Variants in DLX4 observed in about 807,000 individuals in gnomAD.
DLX4 encodes distal-less homeobox 4.
A neutral mutation model predicts 17.1 loss-of-function variants in DLX4; 13 were observed. The observed-to-expected ratio is 0.76, with a 90% CI of 0.49 to 1.21. DLX4 has a LOEUF of 1.21. DLX4 is among the 50% of genes most tolerant of loss of function. The pLI, the probability that DLX4 is intolerant of heterozygous loss-of-function variation, is 0.00. For missense variants in DLX4, 297 were observed against 301.4 expected, an observed-to-expected ratio of 0.99 and a Z score of 0.11; for synonymous variants, 129 against 140.3, an observed-to-expected ratio of 0.92 and a Z score of 0.57.
At chr17:49,973,559 G>C in intron 2 of DLX4, 142 bp from the exon 3 acceptor site, 1 of 1,158,326 alleles carries the variant, frequency 8.6e-7, no homozygotes. Flanking sequence ...GGGGCTGTGG[G>C]GGACTGAAGC....
intron 1 of DLX4, 71 bp from the exon 2 acceptor site, chr17:49,973,002 G>A (rs1459274131): frequency 6.3e-7 from 1 of 1,578,960 alleles, no homozygotes; most frequent in Non-Finnish European, 8.6e-7. Flanking sequence ...ATGCAAATAA[G>A]CTTATGAAAC....
Position 49,974,089 on chromosome 17 carries a change from G to A in DLX4, c.*146G>A. ...AAGCAGTTAGAGGAGAAAAAGGAATGGAGCAGAGCCTGTACCCCTAACCCT... is the reference window on the plus strand; with the variant it reads ...AAGCAGTTAGAGGAGAAAAAGGAATAGAGCAGAGCCTGTACCCCTAACCCT... On this transcript the variant is annotated 3_prime_UTR_variant, in exon 3 of 3. Transcript: ENST00000240306. 1 of 1,121,498 alleles carries A rather than the reference G, an allele frequency of 8.9e-7. No homozygotes were observed. 69.5% of individuals were successfully genotyped at this position (1,121,498 alleles called of 1,614,324 possible).
intron 1 of DLX4, 67 bp from the exon 2 acceptor site, chr17:49,973,006 A>G (rs765117074): frequency 1.1e-5 from 17 of 1,572,690 alleles, no homozygotes; most frequent in Non-Finnish European, 1.5e-5. Context: ...AAATAAGCTT[A>G]TGAAACTGTC....
intron 1 of DLX4, among the ~76,000 whole-genome samples, chr17:49,970,940 AC>A (rs1383080162): frequency 6.6e-6 from 1 of 151,688 alleles, no homozygotes; most frequent in Non-Finnish European, 1.5e-5. Flanking sequence ...GCTTCCTCCA[AC>A]CCCCCCAAAA....
chr17:49,974,269 C>G lies in DLX4; in HGVS notation c.*326C>G. ...AGAACCCTTGGTCTTGCCACTCCCC[C>G]ACTCCTTCTTCCCTCTCTCCCTTTC... On this transcript the variant is annotated 3_prime_UTR_variant, in exon 3 of 3. Coordinates refer to ENST00000240306, the MANE Select transcript of DLX4 (RefSeq NM_138281.3). 4.4e-6 allele frequency: 1 copy of G among 228,082 alleles called. No individual in the cohort carries two copies. Among genetic ancestry groups the G allele is most frequent in the Non-Finnish European group, 8.5e-6 (1 of 117,972 alleles). 14.1% of individuals were successfully genotyped at this position (228,082 alleles called of 1,614,324 possible).
At position 49,973,183 on chromosome 17, in the gene DLX4, C is replaced by T. The variant is rs999152692; in HGVS notation, c.394C>T (p.Leu132=). Residue 132 remains leucine, a synonymous_variant, in exon 2 of 3, where the codon CTA becomes TTA. Transcript: ENST00000240306. The part of the protein sequence containing the change: ...TIYSSLQLQH[L]NQRFQHTQYL... ...CTACTCCAGCCTGCAGCTGCAGCAC[C>T]TAAACCAGCGTTTCCAGCACACGCA... The T allele has an allele frequency of 1.2e-6, 2 of 1,614,106 alleles. No individual in the cohort carries two copies. Among genetic ancestry groups the T allele is most frequent in the African/African-American group, 2.7e-5 (2 of 74,946 alleles).
In DLX4 at chr17:49,973,984, A is replaced by G; in HGVS notation, c.*41A>G. 1 of 1,551,148 alleles carries G rather than the reference A, an allele frequency of 6.4e-7. No homozygotes were observed. Among genetic ancestry groups the G allele is most frequent in the Non-Finnish European group, 8.7e-7 (1 of 1,148,748 alleles). ...GGTCAGGCCCACAGCCTTCCTGCAAAGCCCAGGACCCAGGCAGTCCACCTG... is the reference window on the plus strand; with the variant it reads ...GGTCAGGCCCACAGCCTTCCTGCAAGGCCCAGGACCCAGGCAGTCCACCTG... On this transcript the variant is annotated 3_prime_UTR_variant, in exon 3 of 3. Coordinates refer to ENST00000240306, the MANE Select transcript of DLX4 (RefSeq NM_138281.3).
In DLX4 at chr17:49,972,851, A is replaced by G. The variant is rs1256115605; in HGVS notation, c.284-222A>G. ...CCCATACGAGTGGGAGCTCCCTGGG[A>G]GCAGAACTGCGTCTTGTATCACCTG... On this transcript the variant is annotated intron_variant, in intron 1 of 2. Transcript: ENST00000240306. This position sits in a 1 kb window ranked among gnomAD's most constrained non-coding sequence, Gnocchi z 5.4. 18 of 1,434,832 alleles carry G rather than the reference A, an allele frequency of 1.3e-5. No homozygotes were observed. In the South Asian group the frequency reaches 2.6e-4, roughly 21 times the overall value. 88.9% of individuals were successfully genotyped at this position (1,434,832 alleles called of 1,614,324 possible). A position where few individuals can be genotyped will look rare whatever the true frequency, so the allele number is the denominator to read the frequency against.
rs1344015172 is a variant in DLX4 at position 49,972,437 on chromosome 17, G to C, written c.284-636G>C. 3 of 152,564 alleles carry C rather than the reference G, an allele frequency of 2.0e-5. No individual in the cohort carries two copies. The highest frequency in any genetic ancestry group is 7.2e-5 in the African/African-American group (3 of 41,476). The allele number at this position is 152,564 out of a possible 1,614,324, so 9.5% of individuals were successfully genotyped here. On this transcript the variant is annotated intron_variant, in intron 1 of 2. Coordinates refer to ENST00000240306, the MANE Select transcript of DLX4 (RefSeq NM_138281.3). The surrounding 1 kb of genome is among the most constrained non-coding windows in gnomAD (Gnocchi z 5.4). ...CCCAGGCGGCCACGGTGTGGCGGGG[G>C]AGACATGGTCACTTTTCCTGCAGGG...
Position 49,973,760 on chromosome 17 carries a change from T to C in DLX4, c.540T>C (p.Ser180=). 1 of 1,551,924 alleles carries C rather than the reference T, an allele frequency of 6.4e-7. No homozygotes were observed. The highest frequency in any genetic ancestry group is 8.7e-7 in the Non-Finnish European group (1 of 1,149,188). Residue 180 remains serine (S), a synonymous_variant, in exon 3 of 3, where the codon TCT becomes TCC. Transcript: ENST00000240306. ...SKYKKLLKQN[S]GGQEGDFPGR... ...ATAAGAAGCTCCTGAAGCAGAATTC[T>C]GGGGGGCAGGAAGGGGACTTCCCTG... is the stretch of plus-strand genomic sequence containing the variant.
chr17:49,970,019 C>G (rs1302753415), intron 1 of DLX4, among the ~76,000 whole-genome samples: 2 of 152,166 alleles, frequency 1.3e-5, no homozygotes, highest in East Asian at 3.9e-4. Context: ...CCCAACCCCC[C>G]ACCTGGAGCA....
intron 1 of DLX4, among the ~76,000 whole-genome samples, chr17:49,970,919 G>T (rs1325012915): frequency 6.6e-6 from 1 of 152,160 alleles, no homozygotes; most frequent in Admixed American, 6.5e-5. Context: ...CAGGAGCATC[G>T]ATTTTAGGGA....
chr17:49,972,922 G>A lies in DLX4; in HGVS notation c.284-151G>A, dbSNP rs1055667223. ...GAAACGCTCCACGCGGAAGGTAGAG[G>A]GCAGGGGCCAAGGGGGCGATCCTGG... On this transcript the variant is annotated intron_variant, in intron 1 of 2. Coordinates refer to ENST00000240306, the MANE Select transcript of DLX4 (RefSeq NM_138281.3). The surrounding 1 kb of genome is among the most constrained non-coding windows in gnomAD (Gnocchi z 5.4). The A allele has an allele frequency of 6.8e-7, 1 of 1,470,354 alleles. No homozygotes were observed. Among genetic ancestry groups the A allele is most frequent in the African/African-American group, 1.4e-5 (1 of 70,284 alleles). 91.1% of individuals were successfully genotyped at this position (1,470,354 alleles called of 1,614,324 possible). A position where few individuals can be genotyped will look rare whatever the true frequency, so the allele number is the denominator to read the frequency against.
chr17:49,974,505 C>T lies in DLX4; in HGVS notation c.*562C>T, dbSNP rs184512405. On this transcript the variant is annotated 3_prime_UTR_variant, in exon 3 of 3. Transcript: ENST00000240306. ...CCCGTTACCCCCATAACTGATTTAC[C>T]TACTTACCATACTGGGAGGTAGAAG... 2 of 151,042 alleles carry T rather than the reference C, an allele frequency of 1.3e-5. No homozygotes were observed. The highest frequency in any genetic ancestry group is 3.9e-4 in the East Asian group (2 of 5,138). The allele number at this position is 151,042 out of a possible 1,614,324, so 9.4% of individuals were successfully genotyped here.
intron 2 of DLX4, 179 bp downstream of exon 2, chr17:49,973,448 G>A: frequency 9.1e-7 from 1 of 1,096,704 alleles, no homozygotes; most frequent in East Asian, 2.4e-5. Flanking sequence ...TGAAAGGTGT[G>A]CATGTATGTG....
chr17:49,973,648 T>C (rs1260316324), intron 2 of DLX4, 53 bp from the exon 3 acceptor site: 1 of 1,494,694 alleles, frequency 6.7e-7, no homozygotes, highest in African/African-American at 1.4e-5. Context: ...CTCGAAACTT[T>C]TCACACATAT....
In DLX4 at chr17:49,973,224, C is replaced by G. The variant is rs769369952; in HGVS notation, c.435C>G (p.Pro145=). The change falls in exon 2 of 3, where the codon CCC becomes CCG. Residue 145 remains proline, a synonymous_variant. Coordinates refer to ENST00000240306, the MANE Select transcript of DLX4 (RefSeq NM_138281.3). ...RFQHTQYLAL[P]ERAQLAAQLG... is the part of the protein sequence containing the mutation. ...AGCACACGCAGTACCTGGCGCTGCC[C>G]GAGAGGGCCCAGCTGGCAGCGCAGC... 30 of 1,614,130 alleles carry G rather than the reference C, an allele frequency of 1.9e-5. No individual in the cohort carries two copies. The highest frequency in any genetic ancestry group is 2.2e-5 in the South Asian group (2 of 91,080).
intron 1 of DLX4, among the ~76,000 whole-genome samples, chr17:49,971,093 G>A (rs180924458): frequency 1.2e-4 from 18 of 152,310 alleles, no homozygotes; most frequent in Admixed American, 1.1e-3. Context: ...AATAGGATAT[G>A]TTTGTGTGTG....
At chr17:49,971,492 T>C (rs1447283857) in intron 1 of DLX4, among the ~76,000 whole-genome samples, 1 of 151,986 alleles carries the variant, frequency 6.6e-6, no homozygotes, top group Admixed American at 6.6e-5. Flanking sequence ...GGCTCCATGA[T>C]CGCGACCCGG....
Sources: gnomAD v4.1 joint callset for allele counts (sites outside exome capture counted in the v4.1 genomes callset) on GRCh38, gnomAD v4.1.1 for gene constraint, Gnocchi (gnomAD v3.1) non-coding constraint, MANE v1.5 for transcripts, NCBI Gene and HGNC (gene_info 2026-07-23, HGNC 2026-07-21) for gene names.